The following USP25 variants were observed in gnomAD, a reference collection of about 807,000 sequenced individuals.
USP25 encodes the protein ubiquitin specific peptidase 25.
Under a neutral mutation model 158.5 loss-of-function variants are expected in USP25, and 85 were observed. The ratio of observed to expected loss-of-function variants is 0.54; its 90% CI spans 0.45 to 0.64. The LOEUF (loss-of-function observed/expected upper bound fraction) is 0.64. USP25 is among the 30% of genes least tolerant of loss of function. The pLI, the probability that USP25 is intolerant of heterozygous loss-of-function variation, is 0.00. For missense variants in USP25, 1,242 were observed against 1,327.3 expected (o/e 0.94, Z 1.00); for synonymous variants, 464 against 460.4 (o/e 1.01, Z -0.10).
At chr21:15,839,534 G>A (rs2038227360) in intron 17 of USP25, among the ~76,000 whole-genome samples, 1 of 152,064 alleles carries the variant, frequency 6.6e-6, no homozygotes, top group African/African-American at 2.4e-5. Flanking sequence ...AATATGAGTA[G>A]GTAGGTACAG....
chr21:15,822,187 C>T (rs572024683), intron 10 of USP25, among the ~76,000 whole-genome samples: 8 of 151,752 alleles, frequency 5.3e-5, no homozygotes, highest in Admixed American at 2.6e-4. Context: ...AAATTATGTA[C>T]TGCTATACTA....
intron 3 of USP25, among the ~76,000 whole-genome samples, chr21:15,775,439 A>G (rs943415049): frequency 6.6e-6 from 1 of 152,128 alleles, no homozygotes; most frequent in Admixed American, 6.5e-5. Flanking sequence ...AGGACTGACC[A>G]GTCAGGGAAG....
At chr21:15,815,481 C>T (rs2036890733) in intron 9 of USP25, among the ~76,000 whole-genome samples, 1 of 152,172 alleles carries the variant, frequency 6.6e-6, no homozygotes, top group Non-Finnish European at 1.5e-5. Flanking sequence ...GTGAAAGCAG[C>T]CAGGAGGGAG....
chr21:15,867,335 G>GT (rs2146572804), intron 22 of USP25, among the ~76,000 whole-genome samples: 1 of 151,962 alleles, frequency 6.6e-6, no homozygotes, highest in Admixed American at 6.6e-5. Context: ...AATAATTAGT[G>GT]TAATTCACTA....
At chr21:15,825,302 A>G (rs1019574360) in intron 12 of USP25, among the ~76,000 whole-genome samples, 1 of 152,210 alleles carries the variant, frequency 6.6e-6, no homozygotes, top group African/African-American at 2.4e-5. Context: ...GAAAATAGAT[A>G]CAAAGTTAAA....
chr21:15,830,592 T>C lies in USP25; in HGVS notation c.1755T>C (p.Ser585=). 6.3e-7 allele frequency: 1 copy of C among 1,595,438 alleles called. No homozygotes were observed. Among genetic ancestry groups the C allele is most frequent in the Non-Finnish European group, 8.5e-7 (1 of 1,171,550 alleles). The stretch of plus-strand genomic sequence containing the variant: ...TTGAATTAATGTACTCTGACAAATC[T>C]ATGATACAAGTAAGTGAAATTTTGA... The part of the protein sequence containing the change: ...RTIELMYSDK[S]MIQVPYRLHA... Residue 585 remains serine, a synonymous_variant, in exon 15 of 26, where the codon TCT becomes TCC. Coordinates refer to ENST00000400183, the MANE Select transcript of USP25 (RefSeq NM_001283041.3).
chr21:15,865,566 C>T (rs1394015740), intron 21 of USP25, among the ~76,000 whole-genome samples: 2 of 152,222 alleles, frequency 1.3e-5, no homozygotes, highest in African/African-American at 2.4e-5. Flanking sequence ...TTGATACATG[C>T]GACTGCAGAG....
intron 4 of USP25, among the ~76,000 whole-genome samples, chr21:15,780,819 A>G (rs781377080): frequency 1.3e-5 from 2 of 152,150 alleles, no homozygotes; most frequent in Non-Finnish European, 2.9e-5. Context: ...CTGTCTAAAG[A>G]TGGTGTGTGA....
chr21:15,749,889 A>G (rs1031464824), intron 1 of USP25, among the ~76,000 whole-genome samples: 4 of 152,220 alleles, frequency 2.6e-5, no homozygotes, highest in African/African-American at 9.6e-5. Flanking sequence ...TGAGTGTGAT[A>G]TAATAATAAA....
intron 2 of USP25, among the ~76,000 whole-genome samples, chr21:15,765,415 A>G (rs562862293): frequency 9.2e-5 from 14 of 152,196 alleles, no homozygotes; most frequent in South Asian, 4.1e-4. Context: ...AAATGTATCT[A>G]TTTAATTTGA....
chr21:15,811,112 A>T, intron 8 of USP25, 25 bp from the exon 9 acceptor site: 1 of 1,591,032 alleles, frequency 6.3e-7, no homozygotes, highest in Non-Finnish European at 8.5e-7. Flanking sequence ...TTGTAATCAC[A>T]TTTATATTTT....
At chr21:15,776,963 A>G (rs1308634081) in intron 3 of USP25, among the ~76,000 whole-genome samples, 1 of 152,200 alleles carries the variant, frequency 6.6e-6, no homozygotes, top group Non-Finnish European at 1.5e-5. Flanking sequence ...TGATCATATT[A>G]TTTTGTAACC....
intron 7 of USP25, among the ~76,000 whole-genome samples, chr21:15,806,780 G>A (rs1162258413): frequency 6.6e-6 from 1 of 152,094 alleles, no homozygotes; most frequent in Non-Finnish European, 1.5e-5. Context: ...GTAAATGTAA[G>A]CATCATGATT....
At chr21:15,765,471 C>CT (rs1568775753) in intron 2 of USP25, among the ~76,000 whole-genome samples, 1 of 151,994 alleles carries the variant, frequency 6.6e-6, no homozygotes, top group East Asian at 1.9e-4. Context: ...GTCTAGAGTT[C>CT]TGTGTGTCTT....
At chr21:15,833,584 A>C (rs374474940) in intron 17 of USP25, 36 bp downstream of exon 17, 1 of 1,552,330 alleles carries the variant, frequency 6.4e-7, no homozygotes, top group Non-Finnish European at 8.8e-7. Context: ...TTTGATTATC[A>C]ATATTATTTT....
chr21:15,799,612 A>G, intron 5 of USP25, 145 bp from the exon 6 acceptor site: 1 of 473,724 alleles, frequency 2.1e-6, no homozygotes, highest in Non-Finnish European at 3.8e-6. Flanking sequence ...TTTTTCTCAG[A>G]AGTATGTCCT....
chr21:15,767,206 G>T (rs903631962), intron 3 of USP25, among the ~76,000 whole-genome samples: 2 of 152,002 alleles, frequency 1.3e-5, no homozygotes, highest in Non-Finnish European at 2.9e-5. Flanking sequence ...TCAACACTGT[G>T]ATAATACAGA....
chr21:15,749,438 C>T (rs769511709), intron 1 of USP25, among the ~76,000 whole-genome samples: 3 of 152,148 alleles, frequency 2.0e-5, no homozygotes, highest in Non-Finnish European at 2.9e-5. Context: ...TTTTCCGAGT[C>T]ATATATGTTC....
intron 1 of USP25, among the ~76,000 whole-genome samples, chr21:15,758,789 T>G (rs948245154): frequency 9.2e-5 from 14 of 151,746 alleles, no homozygotes; most frequent in African/African-American, 3.4e-4. Context: ...GCAGGGGAAC[T>G]TTCCTTCACA....
Sources: gnomAD v4.1 joint callset for allele counts (sites outside exome capture counted in the v4.1 genomes callset) on GRCh38, gnomAD v4.1.1 for gene constraint, MANE v1.5 for transcripts, NCBI Gene and HGNC (gene_info 2026-07-23, HGNC 2026-07-21) for gene names.